The following EARS2 variants were observed in gnomAD, a reference collection of about 807,000 sequenced individuals.
EARS2 encodes nondiscriminating glutamyl-tRNA synthetase EARS2, mitochondrial.
A neutral mutation model predicts 54.1 loss-of-function variants in EARS2; 50 were observed. The observed-to-expected ratio is 0.92, with a 90% CI of 0.74 to 1.17. The LOEUF is 1.17. Ranked by LOEUF, EARS2 falls within the 50% of genes most tolerant of loss-of-function variation. The probability of loss-of-function intolerance (pLI) is 0.00; values close to 1 mark genes in which losing one functional copy is unlikely to be tolerated. For synonymous variants in EARS2, 298 were observed against 281.0 expected, an observed-to-expected ratio of 1.06 and a Z score of -0.61; for missense variants, 673 against 675.0, an observed-to-expected ratio of 1.00 and a Z score of 0.03.
At chr16:23,551,790 G>A (rs1217160548) in intron 2 of EARS2, among the ~76,000 whole-genome samples, 6 of 152,198 alleles carry the variant, frequency 3.9e-5, no homozygotes, top group East Asian at 1.9e-4. Flanking sequence ...GCGTGGTGGC[G>A]GGCGCCTGTA....
rs548997629 is a variant in EARS2 at position 23,528,672 on chromosome 16, G to A, written c.1352+830C>T. Among the ~76,000 whole-genome samples, 14 of 152,346 alleles carry A rather than the reference G, an allele frequency of 9.2e-5. No homozygotes were observed. The South Asian group carries it at 2.9e-3, about 32-fold the overall frequency. ...TCCCAGCACTCTGTGAGGCTGAGGT[G>A]TGAAGATTGCTTGAGCCTAGGAGTT... On this transcript the variant is annotated intron_variant, in intron 7 of 8. Coordinates refer to ENST00000449606, the MANE Select transcript of EARS2 (RefSeq NM_001083614.2).
chr16:23,531,618 C>A (rs1297320063), intron 5 of EARS2, among the ~76,000 whole-genome samples: 1 of 152,118 alleles, frequency 6.6e-6, no homozygotes, highest in African/African-American at 2.4e-5. Context: ...TGAAACAGGG[C>A]AAAATCATAC....
Position 23,525,386 on chromosome 16 carries a change from G to A in EARS2, c.1353-7C>T, listed in dbSNP as rs577122944. On this transcript the variant is annotated splice_region_variant and splice_polypyrimidine_tract_variant and intron_variant, in intron 7 of 8. Coordinates refer to ENST00000449606, the MANE Select transcript of EARS2 (RefSeq NM_001083614.2). ...ACTAGATCTTTCTAGAAGCCTAGAA[G>A]AAGAGGGCCAGTTTACAGGGCCTGC... 3.7e-6 allele frequency: 6 copies of A among 1,610,734 alleles called. No individual in the cohort carries two copies. Among genetic ancestry groups the A allele is most frequent in the East Asian group, 2.2e-5 (1 of 44,854 alleles).
rs1278218761 is a variant in EARS2, at chr16:23,535,342, C to T, written c.504G>A (p.Arg168=). Residue 168 remains arginine (R), a synonymous_variant, in exon 4 of 9, where the codon AGG becomes AGA. Coordinates refer to ENST00000449606, the MANE Select transcript of EARS2 (RefSeq NM_001083614.2). ...HQTPRYDNRC[R]NMSQEQVAQK... ...GGGCCACCTGCTCCTGGCTCATGTTCCTGCACCGATTGTCATACCTGATGG... is the reference window on the plus strand; with the variant it reads ...GGGCCACCTGCTCCTGGCTCATGTTTCTGCACCGATTGTCATACCTGATGG... The T allele has an allele frequency of 6.3e-7, 1 of 1,599,340 alleles. No individual in the cohort carries two copies. The highest frequency in any genetic ancestry group is 8.5e-7 in the Non-Finnish European group (1 of 1,179,768).
chr16:23,557,146 C>T (rs773011319), intron 1 of EARS2, 59 bp downstream of exon 1: 3 of 1,494,772 alleles, frequency 2.0e-6, no homozygotes, highest in Middle Eastern at 1.8e-4. Context: ...CGGGAACATT[C>T]GTGGGGCGGA....
chr16:23,526,110 CTTT>C (rs55859005), intron 7 of EARS2, among the ~76,000 whole-genome samples: 85,746 of 119,742 alleles, frequency 0.72, 30,114 homozygotes, highest in Middle Eastern at 0.78. Flanking sequence ...GAAATATTAC[CTTT>C]TTTTTTTTTT....
rs1965136224 is a variant in EARS2, at chr16:23,520,822, T to C, written c.*3549A>G. Reference sequence around the variant, plus strand: ...ATTTCTTGTTGAGACAGAGTGTCGCTCTGTTCCCCAGGCTGGAGTACAATG... The same window carrying C: ...ATTTCTTGTTGAGACAGAGTGTCGCCCTGTTCCCCAGGCTGGAGTACAATG... On this transcript the variant is annotated 3_prime_UTR_variant, in exon 9 of 9. Transcript: ENST00000449606. Among the ~76,000 whole-genome samples the C allele has an allele frequency of 1.3e-5, 2 of 152,166 alleles. No individual in the cohort carries two copies. The highest frequency in any genetic ancestry group is 4.8e-5 in the African/African-American group (2 of 41,434).
chr16:23,556,412 T>C (rs1743132491), intron 1 of EARS2, among the ~76,000 whole-genome samples: 3 of 152,184 alleles, frequency 2.0e-5, no homozygotes, highest in Admixed American at 1.3e-4. Flanking sequence ...TGGAGTGCAA[T>C]GGCGCGATCT....
chr16:23,547,974 T>C (rs1402244379), intron 2 of EARS2, among the ~76,000 whole-genome samples: 1 of 151,982 alleles, frequency 6.6e-6, no homozygotes, highest in Non-Finnish European at 1.5e-5. Context: ...CTCACGTCTG[T>C]AATCCCAGCA....
intron 4 of EARS2, among the ~76,000 whole-genome samples, chr16:23,533,793 C>G (rs1039346678): frequency 1.3e-5 from 2 of 152,090 alleles, no homozygotes; most frequent in Non-Finnish European, 2.9e-5. Context: ...CGGTGGCTCA[C>G]GCCTGTAATC....
chr16:23,525,195 G>T (rs1271677471), intron 8 of EARS2, 49 bp downstream of exon 8: 7 of 1,613,884 alleles, frequency 4.3e-6, no homozygotes, highest in Non-Finnish European at 5.9e-6. Flanking sequence ...AAGTTCAAAG[G>T]ATCAATGAGG....
At chr16:23,537,089 A>G in intron 3 of EARS2, 1 of 276,456 alleles carries the variant, frequency 3.6e-6, no homozygotes, top group South Asian at 3.6e-5. Flanking sequence ...TTGTTTCTTC[A>G]AGCTCTTCTG....
At chr16:23,550,088 G>A (rs945291713) in intron 2 of EARS2, among the ~76,000 whole-genome samples, 37 of 152,142 alleles carry the variant, frequency 2.4e-4, no homozygotes, top group Non-Finnish European at 4.3e-4. Context: ...AGCCAGGAGC[G>A]ATGGTTCATG....
chr16:23,530,058 G>A (rs1447723775), intron 5 of EARS2, 161 bp from the exon 6 acceptor site: 3 of 883,244 alleles, frequency 3.4e-6, no homozygotes, highest in Non-Finnish European at 5.0e-6. Flanking sequence ...TAAAAAGAAA[G>A]GGATGTGACT....
chr16:23,544,801 A>AT, intron 2 of EARS2, 98 bp from the exon 3 acceptor site: 4 of 1,122,680 alleles, frequency 3.6e-6, no homozygotes, highest in Non-Finnish European at 4.9e-6. Flanking sequence ...TTTAATCCTC[A>AT]TAACAATCCA....
At chr16:23,533,018 G>T (rs1005657718) in intron 4 of EARS2, among the ~76,000 whole-genome samples, 1 of 152,140 alleles carries the variant, frequency 6.6e-6, no homozygotes, top group Non-Finnish European at 1.5e-5. Context: ...CAGGCATGGT[G>T]GCTTACACCT....
chr16:23,553,008 T>C (rs981423057), intron 1 of EARS2: 2 of 376,866 alleles, frequency 5.3e-6, no homozygotes, highest in Non-Finnish European at 1.1e-5. Context: ...TGGTGGTACA[T>C]GCCTGTGGTT....
At position 23,535,036 on chromosome 16, in the gene EARS2, G is replaced by C. The variant is rs890945949; in HGVS notation, c.810C>G (p.His270Gln). 1.2e-6 allele frequency: 2 copies of C among 1,610,970 alleles called. No individual in the cohort carries two copies. Among genetic ancestry groups the C allele is most frequent in the African/African-American group, 2.7e-5 (2 of 74,882 alleles). Reference sequence around the variant, plus strand: ...TGAGGAGCAGGGGCAGGTGGGCGAAGTGGGGTGGCTGCCAGCCCAGGGCCT... The same window carrying C: ...TGAGGAGCAGGGGCAGGTGGGCGAACTGGGGTGGCTGCCAGCCCAGGGCCT... Reference protein sequence around the residue: ...LYQALGWQPPHFAHLPLLLNR... With the variant: ...LYQALGWQPPQFAHLPLLLNR... Residue 270 changes from histidine (H) to glutamine (Q), a missense_variant, in exon 4 of 9, where the codon CAC (histidine) becomes CAG (glutamine). Around this residue, in one of 3 missense-constraint regions of EARS2, gnomAD observed 338 missense variants for 361.2 expected, o/e 0.94. Coordinates refer to ENST00000449606, the MANE Select transcript of EARS2 (RefSeq NM_001083614.2).
rs539512674 is a variant in EARS2, at chr16:23,534,940, G to A, written c.906C>T (p.Phe302=). ...VFLEHFAADG[F]LPDSLLDIIT... Reference sequence around the variant, plus strand: ...TGATGTCCAACAAGGAATCGGGCAGGAAGCCATCAGCAGCAAAGTGCTCCA... The same window carrying A: ...TGATGTCCAACAAGGAATCGGGCAGAAAGCCATCAGCAGCAAAGTGCTCCA... The change falls in exon 4 of 9, where the codon TTC becomes TTT. Residue 302 remains phenylalanine, a synonymous_variant. Coordinates refer to ENST00000449606, the MANE Select transcript of EARS2 (RefSeq NM_001083614.2). 6.8e-6 allele frequency: 11 copies of A among 1,606,358 alleles called. No individual in the cohort carries two copies. In the East Asian group the frequency reaches 2.5e-4, roughly 36 times the overall value.
Sources: allele counts gnomAD v4.1 joint callset (sites outside exome capture counted in the v4.1 genomes callset), GRCh38; gene constraint gnomAD v4.1.1; regional missense constraint gnomAD v4.1.1; transcripts MANE v1.5; gene names NCBI Gene and HGNC (gene_info 2026-07-23, HGNC 2026-07-21).